Variants in THBS4 observed in about 807,000 individuals in gnomAD.
The protein encoded by THBS4 is thrombospondin-4.
A neutral mutation model predicts 115.7 loss-of-function variants in THBS4; 90 were observed. The observed-to-expected ratio is 0.78, with a 90% confidence interval of 0.66 to 0.93. The LOEUF is 0.93. THBS4 is among the 40% of genes least tolerant of loss of function. The pLI is 0.00. For missense variants in THBS4, 1,087 were observed against 1,232.7 expected (o/e 0.88, Z 1.77); for synonymous variants, 460 against 479.3 (o/e 0.96, Z 0.53).
At chr5:80,020,214 C>G (rs1439528330) in intron 2 of THBS4, among the ~76,000 whole-genome samples, 1 of 152,178 alleles carries the variant, frequency 6.6e-6, no homozygotes, top group Admixed American at 6.5e-5. Context: ...TGGCTCACGC[C>G]TGTAATCCCA....
At chr5:80,033,539 CA>C (rs1488695640), upstream of THBS4, among the ~76,000 whole-genome samples, 1 of 152,152 alleles carries the variant, frequency 6.6e-6, no homozygotes, top group Non-Finnish European at 1.5e-5. Flanking sequence ...AAGATGCATC[CA>C]TTCAGGTCAC....
chr5:80,040,109 C>T lies in THBS4; in HGVS notation c.121C>T (p.Leu41=). Residue 41 remains leucine, a synonymous_variant, in exon 2 of 22, where the codon CTA becomes TTA. Coordinates refer to ENST00000350881, the MANE Select transcript of THBS4 (RefSeq NM_003248.6). ...FDLLPSSSQR[L]NPGALLPVLT... ...CCTTCTCCCATCTTCCAGTCAGAGG[C>T]TAAACCCAGGCGCTCTGCTGCCAGT... 1 of 1,614,096 alleles carries T rather than the reference C, an allele frequency of 6.2e-7. No individual in the cohort carries two copies. Among genetic ancestry groups the T allele is most frequent in the Non-Finnish European group, 8.5e-7 (1 of 1,180,018 alleles).
At chr5:80,060,699 C>G (rs1833602153) in intron 7 of THBS4, among the ~76,000 whole-genome samples, 1 of 152,110 alleles carries the variant, frequency 6.6e-6, no homozygotes, top group African/African-American at 2.4e-5. Context: ...GTTGAGGCTG[C>G]AGTGAGCCAT....
At position 80,072,373 on chromosome 5, in the gene THBS4, C is replaced by T; in HGVS notation, c.1816C>T (p.Pro606Ser). 3 of 1,614,094 alleles carry T rather than the reference C, an allele frequency of 1.9e-6. No individual in the cohort carries two copies. Among genetic ancestry groups the T allele is most frequent in the Non-Finnish European group, 2.5e-6 (3 of 1,180,004 alleles). Residue 606 changes from proline (P) to serine (S), a missense_variant, in exon 14 of 22, where the codon CCT becomes TCT. Pro to Ser is a moderately conservative substitution (Grantham distance 74). Transcript: ENST00000350881. ...TGTGGGGGATGCCTGTGACAGTTGTCCTGATGTCAGCAACCCTAACCAGGT... is the reference window on the plus strand; with the variant it reads ...TGTGGGGGATGCCTGTGACAGTTGTTCTGATGTCAGCAACCCTAACCAGGT... Reference protein sequence around the residue: ...DGVGDACDSCPDVSNPNQSDV... With the variant: ...DGVGDACDSCSDVSNPNQSDV...
chr5:80,050,747 T>C (rs1833229598), intron 2 of THBS4, among the ~76,000 whole-genome samples: 1 of 152,224 alleles, frequency 6.6e-6, no homozygotes, highest in Non-Finnish European at 1.5e-5. Context: ...AGTCAAAGCA[T>C]CTACTGAATT....
At chr5:80,077,536 A>C (rs185820888) in intron 16 of THBS4, among the ~76,000 whole-genome samples, 155 of 152,320 alleles carry the variant, frequency 1.0e-3, no homozygotes, top group African/African-American at 3.6e-3. Context: ...AGTGTTGGGG[A>C]CTGAAGTGAC....
At chr5:80,076,484 A>C (rs1378012377) in intron 15 of THBS4, among the ~76,000 whole-genome samples, 1 of 152,214 alleles carries the variant, frequency 6.6e-6, no homozygotes, top group Non-Finnish European at 1.5e-5. Flanking sequence ...ACAGTGGCTG[A>C]GCCAGGATTT....
chr5:80,078,171 G>A lies in THBS4; in HGVS notation c.2209G>A (p.Val737Ile), dbSNP rs2229398. The A allele has an allele frequency of 0.01, 16,897 of 1,609,760 alleles. 816 individuals carry two copies. The Admixed American group carries it at 0.14, about 13-fold the overall frequency. ...CGACTTCAGGGCTTACCAGACCGTGGTCCTGGATCCTGAAGGGGATGCCCA... is the reference window on the plus strand; with the variant it reads ...CGACTTCAGGGCTTACCAGACCGTGATCCTGGATCCTGAAGGGGATGCCCA... ...LTDFRAYQTV[V>I]LDPEGDAQID... The change falls in exon 17 of 22, where the codon GTC becomes ATC. Residue 737 changes from valine to isoleucine, a missense_variant. Physicochemically the swap from Val to Ile is conservative, Grantham distance 29. Coordinates refer to ENST00000350881, the MANE Select transcript of THBS4 (RefSeq NM_003248.6).
At chr5:80,021,931 TCTC>T (rs1832386035) in intron 2 of THBS4, among the ~76,000 whole-genome samples, 1 of 152,144 alleles carries the variant, frequency 6.6e-6, no homozygotes, top group South Asian at 2.1e-4. Flanking sequence ...CTAGAGGTGT[TCTC>T]CTCTACTCCA....
Position 80,079,143 on chromosome 5 carries a change from T to C in THBS4, c.2396T>C (p.Ile799Thr), listed in dbSNP as rs1743365922. ...TQTDDDYAGF[I>T]FGYQDSSSFY... ...ACAGATGATGACTATGCAGGCTTTA[T>C]CTTTGGCTACCAAGATAGCTCCAGC... Residue 799 changes from isoleucine (I) to threonine (T), a missense_variant, in exon 19 of 22, where the codon ATC becomes ACC. Around this residue, in one of 3 missense-constraint regions of THBS4, gnomAD observed 979 missense variants for 1,103.7 expected, o/e 0.89. Coordinates refer to ENST00000350881, the MANE Select transcript of THBS4 (RefSeq NM_003248.6). The C allele has an allele frequency of 1.9e-6, 3 of 1,614,222 alleles. No homozygotes were observed. The highest frequency in any genetic ancestry group is 1.7e-5 in the Admixed American group (1 of 60,026).
At position 80,065,283 on chromosome 5, in the gene THBS4, A is replaced by G. The variant is rs1833773648; in HGVS notation, c.1126-126A>G. The G allele has an allele frequency of 5.3e-6, 4 of 748,508 alleles. No homozygotes were observed. In the South Asian group the frequency reaches 7.1e-5, roughly 13 times the overall value. 46.4% of individuals were successfully genotyped at this position (748,508 alleles called of 1,614,324 possible). On this transcript the variant is annotated intron_variant, in intron 8 of 21. Coordinates refer to ENST00000350881, the MANE Select transcript of THBS4 (RefSeq NM_003248.6). The stretch of plus-strand genomic sequence containing the variant: ...GGGAGATGGCACAAATAACCCTCAG[A>G]TTACCATTCTACCCGAAATTCCGCA...
chr5:80,045,503 C>A (rs1429424567), intron 2 of THBS4, among the ~76,000 whole-genome samples: 1 of 148,262 alleles, frequency 6.7e-6, no homozygotes, highest in East Asian at 2.0e-4. Flanking sequence ...TGAGGGGCCT[C>A]AAACATTAAT....
intron 1 of THBS4, among the ~76,000 whole-genome samples, chr5:79,993,101 A>G (rs1016238888): frequency 4.6e-5 from 7 of 152,228 alleles, no homozygotes; most frequent in Admixed American, 3.9e-4. Flanking sequence ...CTTAGTGGAC[A>G]CATAACACAG....
chr5:80,011,066 G>C (rs1832114572), intron 2 of THBS4, among the ~76,000 whole-genome samples: 3 of 152,296 alleles, frequency 2.0e-5, no homozygotes, highest in African/African-American at 7.2e-5. Context: ...AATCATGGGG[G>C]AAGGTCTTTC....
chr5:80,022,785 T>G (rs1313717377), intron 2 of THBS4, among the ~76,000 whole-genome samples: 1 of 152,230 alleles, frequency 6.6e-6, no homozygotes, highest in Non-Finnish European at 1.5e-5. Context: ...TGTTGACAAG[T>G]GCAGTACATC....
At chr5:80,029,809 A>C (rs79100956) in intron 2 of THBS4, among the ~76,000 whole-genome samples, 36,172 of 151,148 alleles carry the variant, frequency 0.24, 4,758 homozygotes, top group African/African-American at 0.34. Context: ...AATACAAAAA[A>C]AAAAAAAAAA....
intron 2 of THBS4, among the ~76,000 whole-genome samples, chr5:79,999,567 T>C (rs1442854061): frequency 6.6e-6 from 1 of 152,208 alleles, no homozygotes; most frequent in Non-Finnish European, 1.5e-5. Context: ...TTATATTACT[T>C]TTCCAGATTA....
intron 20 of THBS4, chr5:80,082,177 C>T: frequency 4.8e-6 from 2 of 418,908 alleles, no homozygotes; most frequent in South Asian, 1.2e-4. Flanking sequence ...ACACCCCCCA[C>T]CCCCCTCCAC....
chr5:80,079,298 G>T, intron 19 of THBS4, 40 bp downstream of exon 19: 1 of 1,535,256 alleles, frequency 6.5e-7, no homozygotes, highest in South Asian at 1.3e-5. Context: ...CTTTCTTCTG[G>T]ACCTCTCATC....
Sources: allele counts gnomAD v4.1 joint callset (sites outside exome capture counted in the v4.1 genomes callset), GRCh38; gene constraint gnomAD v4.1.1; regional missense constraint gnomAD v4.1.1; transcripts MANE v1.5; gene names NCBI Gene and HGNC (gene_info 2026-07-23, HGNC 2026-07-21).